The following ADGRE1 variants were observed in gnomAD, a reference collection of about 807,000 sequenced individuals.
ADGRE1 encodes EGF-like module receptor 1.
A neutral mutation model predicts 102.7 loss-of-function variants in ADGRE1; 82 were observed. That is an observed-to-expected ratio of 0.80 (90% confidence interval 0.67 to 0.96). The LOEUF (loss-of-function observed/expected upper bound fraction) is 0.96, where lower values mean the gene tolerates loss of function less well. Among genes scored for constraint, ADGRE1 ranks in the 40% least tolerant of loss-of-function variants. The probability of loss-of-function intolerance (pLI) is 0.00; values close to 1 mark genes in which losing one functional copy is unlikely to be tolerated. For synonymous variants in ADGRE1, 398 were observed against 399.6 expected (o/e 1.00, Z 0.05); for missense variants, 1,032 against 1,085.3 (o/e 0.95, Z 0.69).
rs11666741 is a variant in ADGRE1 at position 6,935,022 on chromosome 19, C to T, written c.2325C>T (p.Ile775=). 2 of 1,597,758 alleles carry T rather than the reference C, an allele frequency of 1.3e-6. No homozygotes were observed. The highest frequency in any genetic ancestry group is 2.7e-5 in the African/African-American group (2 of 74,182). Residue 775 remains isoleucine (I), a synonymous_variant, in exon 18 of 21, where the codon ATC becomes ATT. Coordinates refer to ENST00000312053, the MANE Select transcript of ADGRE1 (RefSeq NM_001974.5). ...NSLLLTWTLW[I]LRQRLSSVNA... is the part of the protein sequence containing the mutation. ...TTCTCCTGACCTGGACCTTGTGGATCCTGAGGCAGAGGCTTTCCAGTGTTA... is the reference window on the plus strand; with the variant it reads ...TTCTCCTGACCTGGACCTTGTGGATTCTGAGGCAGAGGCTTTCCAGTGTTA...
In ADGRE1 at chr19:6,939,646, A is replaced by G. The variant is rs539363781; in HGVS notation, c.2656-378A>G. ...GTCAAGAAGAAGAGGGATGGACAGG[A>G]CCAGAAAGCCCTTCTTTCATGTCTT... On this transcript the variant is annotated intron_variant, in intron 20 of 20. Coordinates refer to ENST00000312053, the MANE Select transcript of ADGRE1 (RefSeq NM_001974.5). Among the ~76,000 whole-genome samples the G allele has an allele frequency of 6.6e-5, 10 of 152,296 alleles. No homozygotes were observed. The East Asian group carries it at 1.9e-3, about 29-fold the overall frequency.
intron 5 of ADGRE1, 176 bp downstream of exon 5, chr19:6,897,723 T>C (rs1568338079): frequency 1.7e-6 from 1 of 576,952 alleles, no homozygotes; most frequent in East Asian, 4.0e-5. Context: ...AGCCTGTGGG[T>C]GTCTTTACAT....
intron 10 of ADGRE1, among the ~76,000 whole-genome samples, chr19:6,912,393 C>G (rs1333140517): frequency 6.6e-6 from 1 of 152,134 alleles, no homozygotes; most frequent in Non-Finnish European, 1.5e-5. Flanking sequence ...TTTCTCCTTT[C>G]AAAAATCAAA....
rs770313287 is a variant in ADGRE1 at position 6,935,199 on chromosome 19, T to A, written c.2381+121T>A. ...CTGAGACAGAGGTGATGAGGTCTGT[T>A]TAGCATATCACACCATCTAGATCTG... On this transcript the variant is annotated intron_variant, in intron 18 of 20. Transcript: ENST00000312053. The A allele has an allele frequency of 2.5e-4, 142 of 571,054 alleles. 1 individual carries two copies. Among genetic ancestry groups the A allele is most frequent in the Admixed American group, 1.8e-3 (50 of 27,488 alleles). 35.4% of individuals were successfully genotyped at this position (571,054 alleles called of 1,614,324 possible).
In ADGRE1 at chr19:6,916,316, G is replaced by C; in HGVS notation, c.1368G>C (p.Lys456Asn). Residue 456 changes from lysine to asparagine, a missense_variant, in exon 12 of 21, where the codon AAG (lysine) becomes AAC (asparagine). Transcript: ENST00000312053. ...ATGTGACGTTGGACTTGGTAGCCAA[G>C]GGGGATAAGATGAAGATCGGGTGTT... is the stretch of plus-strand genomic sequence containing the variant. ...EENVTLDLVA[K>N]GDKMKIGCST... is the part of the protein sequence containing the mutation. The C allele has an allele frequency of 6.2e-7, 1 of 1,613,750 alleles. No homozygotes were observed. Among genetic ancestry groups the C allele is most frequent in the Non-Finnish European group, 8.5e-7 (1 of 1,179,778 alleles).
intron 17 of ADGRE1, among the ~76,000 whole-genome samples, chr19:6,933,398 T>TC (rs1555718297): frequency 2.8e-4 from 43 of 151,612 alleles, no homozygotes; most frequent in African/African-American, 1.0e-3. Flanking sequence ...TTTTTTTTTT[T>TC]TTTTTTGAGA....
At chr19:6,924,641 C>T (rs2144993529) in intron 14 of ADGRE1, 37 bp from the exon 15 acceptor site, 2 of 1,586,686 alleles carry the variant, frequency 1.3e-6, no homozygotes, top group African/African-American at 1.3e-5. Context: ...GATTTTGATC[C>T]CATTCTCAGG....
At position 6,913,732 on chromosome 19, in the gene ADGRE1, T is replaced by C. The variant is rs964866695; in HGVS notation, c.1202T>C (p.Leu401Pro). Residue 401 changes from leucine (L) to proline (P), a missense_variant, in exon 11 of 21, where the codon CTG becomes CCG. Leu to Pro is a moderately conservative substitution (Grantham distance 98). Coordinates refer to ENST00000312053, the MANE Select transcript of ADGRE1 (RefSeq NM_001974.5). ...TTCACCAAGGAAGAGACGTCCTCCC[T>C]GGCCACAGTCTTCCTGGAGAGTGTG... ...TKFTKEETSSLATVFLESVES... is the reference protein window; with the variant it reads ...TKFTKEETSSPATVFLESVES... 1.2e-6 allele frequency: 2 copies of C among 1,613,442 alleles called. No individual in the cohort carries two copies. The highest frequency in any genetic ancestry group is 2.7e-5 in the African/African-American group (2 of 74,934).
chr19:6,913,811 T>A lies in ADGRE1; in HGVS notation c.1281T>A (p.Ala427=). 1 of 1,601,450 alleles carries A rather than the reference T, an allele frequency of 6.2e-7. No individual in the cohort carries two copies. Among genetic ancestry groups the A allele is most frequent in the Non-Finnish European group, 8.5e-7 (1 of 1,172,960 alleles). ...FWKPSANITP[A]VRTEYLDIES... Reference sequence around the variant, plus strand: ...AACCCTCAGCAAATATCACTCCGGCTGTTCGGACGGAATACTTAGGTAGGA... The same window carrying A: ...AACCCTCAGCAAATATCACTCCGGCAGTTCGGACGGAATACTTAGGTAGGA... The change falls in exon 11 of 21, where the codon GCT becomes GCA. Residue 427 remains alanine (A), a synonymous_variant. Transcript: ENST00000312053.
intron 5 of ADGRE1, chr19:6,898,507 A>G (rs1973654367): frequency 3.2e-6 from 5 of 1,562,188 alleles, no homozygotes; most frequent in South Asian, 2.2e-5. Context: ...GTGGATATCT[A>G]TCAGTGGGGT....
Position 6,910,570 on chromosome 19 carries a change from C to CTTTTTTT in ADGRE1, c.1122+1811_1122+1817dup, listed in dbSNP as rs11303491. Among the ~76,000 whole-genome samples the CTTTTTTT allele has an allele frequency of 1.8e-5, 2 of 112,682 alleles. 1 individual carries two copies. 73.9% of individuals were successfully genotyped at this position (112,682 alleles called of 152,430 possible). ...TCTAATGTGTCAAACTGTTCCAACT[C>CTTTTTTT]TTTTTTTTTTTTTTTTTTTGAGATG... On this transcript the variant is annotated intron_variant, in intron 10 of 20. Coordinates refer to ENST00000312053, the MANE Select transcript of ADGRE1 (RefSeq NM_001974.5).
At chr19:6,928,939 CA>C (rs61017298) in intron 17 of ADGRE1, among the ~76,000 whole-genome samples, 202 of 131,996 alleles carry the variant, frequency 1.5e-3, no homozygotes, top group Admixed American at 2.8e-3. Context: ...AACTCCATCT[CA>C]AAAAAAAAAA....
chr19:6,938,330 T>C (rs1474413952), intron 20 of ADGRE1, among the ~76,000 whole-genome samples: 1 of 125,432 alleles, frequency 8.0e-6, no homozygotes, highest in Non-Finnish European at 1.7e-5. Flanking sequence ...AGAGCGAAAC[T>C]CCATCTCAAA....
At chr19:6,926,660 A>C in intron 16 of ADGRE1, 59 bp downstream of exon 16, 1 of 1,531,004 alleles carries the variant, frequency 6.5e-7, no homozygotes, top group African/African-American at 1.4e-5. Flanking sequence ...GGTGATAATG[A>C]CATGAGCAAC....
intron 12 of ADGRE1, among the ~76,000 whole-genome samples, chr19:6,919,334 G>T (rs997450744): frequency 7.1e-6 from 1 of 140,830 alleles, no homozygotes; most frequent in Non-Finnish European, 1.6e-5. Context: ...CCGGCCAGAG[G>T]TTTTTTTTTT....
intron 15 of ADGRE1, 40 bp from the exon 16 acceptor site, chr19:6,926,326 T>A: frequency 6.2e-7 from 1 of 1,605,044 alleles, no homozygotes; most frequent in Non-Finnish European, 8.5e-7. Context: ...GATTTCTCTC[T>A]GGGGTGGAGG....
intron 3 of ADGRE1, chr19:6,896,775 C>CCTT (rs1973570430): frequency 4.7e-6 from 2 of 426,236 alleles, no homozygotes; most frequent in Admixed American, 4.1e-5. Context: ...TGATTTTCTT[C>CCTT]CTTCCTTCCT....
At chr19:6,897,956 TCCTTCCTA>T (rs1973629750) in intron 5 of ADGRE1, 2 of 176,388 alleles carry the variant, frequency 1.1e-5, no homozygotes, top group African/African-American at 5.4e-5. Flanking sequence ...CTTCCTTCCT[TCCTTCCTA>T]CTTCCCCACC....
chr19:6,934,929 T>C, intron 17 of ADGRE1, 58 bp from the exon 18 acceptor site: 1 of 1,292,170 alleles, frequency 7.7e-7, no homozygotes. Context: ...TTTATAGGTG[T>C]TCTGGCCCTT....
Sources: gnomAD v4.1 joint callset for allele counts (sites outside exome capture counted in the v4.1 genomes callset) on GRCh38, gnomAD v4.1.1 for gene constraint, MANE v1.5 for transcripts, NCBI Gene and HGNC (gene_info 2026-07-23, HGNC 2026-07-21) for gene names.